ZDHHC6: variants seen among roughly 807,000 people sequenced by gnomAD.
ZDHHC6 encodes the protein palmitoyltransferase ZDHHC6.
In ZDHHC6, 32 loss-of-function variants were observed where a neutral mutation model predicts 57.8. That is an observed-to-expected ratio of 0.55 (90% CI 0.42 to 0.74). The LOEUF (loss-of-function observed/expected upper bound fraction) is 0.74. Ranked by LOEUF, ZDHHC6 falls within the 30% of genes least tolerant of loss-of-function variation. The pLI, the probability that ZDHHC6 is intolerant of heterozygous loss-of-function variation, is 0.00. For missense variants in ZDHHC6, 433 were observed against 500.7 expected (o/e 0.86, Z 1.29); for synonymous variants, 128 against 158.0 (o/e 0.81, Z 1.42).
At chr10:112,435,733 C>T (rs1421453079) in intron 6 of ZDHHC6, among the ~76,000 whole-genome samples, 1 of 152,112 alleles carries the variant, frequency 6.6e-6, no homozygotes, top group Non-Finnish European at 1.5e-5. Flanking sequence ...ATAAACACAG[C>T]TTCAGAGTCT....
At chr10:112,444,192 C>T (rs955984579) in intron 2 of ZDHHC6, among the ~76,000 whole-genome samples, 1 of 152,158 alleles carries the variant, frequency 6.6e-6, no homozygotes, top group African/African-American at 2.4e-5. Flanking sequence ...CACAATCTGC[C>T]TTTGTTTCAG....
At chr10:112,438,243 G>A (rs553587968) in intron 6 of ZDHHC6, 93 bp downstream of exon 6, 3 of 919,462 alleles carry the variant, frequency 3.3e-6, no homozygotes, top group South Asian at 3.2e-5. Flanking sequence ...TCGTTAATCC[G>A]GTCTAATAAC....
At chr10:112,438,896 T>C (rs1482621670) in intron 5 of ZDHHC6, among the ~76,000 whole-genome samples, 1 of 152,218 alleles carries the variant, frequency 6.6e-6, no homozygotes, top group South Asian at 2.1e-4. Context: ...TTCCTAGATA[T>C]GACTGATTCC....
chr10:112,436,026 C>G (rs1845494862), intron 6 of ZDHHC6, among the ~76,000 whole-genome samples: 1 of 152,040 alleles, frequency 6.6e-6, no homozygotes, highest in East Asian at 1.9e-4. Flanking sequence ...TCTTGAGAAG[C>G]AAGAAATCAG....
Position 112,434,369 on chromosome 10 carries a change from C to T in ZDHHC6, c.831G>A (p.Thr277=), listed in dbSNP as rs370954630. Residue 277 remains threonine (T), a synonymous_variant, in exon 7 of 11, where the codon ACG becomes ACA. Coordinates refer to ENST00000369405, the MANE Select transcript of ZDHHC6 (RefSeq NM_022494.3). ...SRWRNFKQVF[T]WSGVPEGDGL... ...CATCTCCTTCAGGGACCCCTGACCA[C>T]GTAAATACCTGTTTAAAGTTCCTCC... is the stretch of plus-strand genomic sequence containing the variant. The T allele has an allele frequency of 1.6e-4, 251 of 1,613,914 alleles. No individual in the cohort carries two copies. The highest frequency in any genetic ancestry group is 2.0e-4 in the Non-Finnish European group (231 of 1,179,872).
intron 2 of ZDHHC6, among the ~76,000 whole-genome samples, chr10:112,443,972 T>C (rs1360860682): frequency 3.3e-5 from 5 of 152,204 alleles, no homozygotes; most frequent in African/African-American, 1.2e-4. Flanking sequence ...TACTGAAATC[T>C]GCTCCCTCCT....
At chr10:112,431,388 A>T (rs1026652655) in intron 10 of ZDHHC6, among the ~76,000 whole-genome samples, 1 of 151,484 alleles carries the variant, frequency 6.6e-6, no homozygotes, top group Non-Finnish European at 1.5e-5. Flanking sequence ...ATCTCAGATT[A>T]CTGCAACCTC....
downstream of ZDHHC6, chr10:112,427,898 A>G (rs1844801366): frequency 6.5e-6 from 1 of 152,808 alleles, no homozygotes; most frequent in African/African-American, 2.4e-5. Flanking sequence ...CTATGAGACA[A>G]ATGTCTCCGA....
intron 2 of ZDHHC6, 152 bp from the exon 3 acceptor site, chr10:112,443,758 A>G (rs1375540340): frequency 3.3e-6 from 2 of 604,594 alleles, no homozygotes; most frequent in African/African-American, 1.9e-5. Context: ...ATATTTTTAA[A>G]TAAGTTTTCT....
In ZDHHC6 at chr10:112,425,293, T is replaced by C. The variant is rs1445757699; in HGVS notation, c.*344A>G. The C allele has an allele frequency of 7.7e-6, 12 of 1,557,182 alleles. No homozygotes were observed. The South Asian group carries it at 1.3e-4, about 17-fold the overall frequency. ...TTCACCACTCTCCCCACTGATATCATCTCTGTGGCTCAAAAATACTGATAC... is the reference window on the plus strand; with the variant it reads ...TTCACCACTCTCCCCACTGATATCACCTCTGTGGCTCAAAAATACTGATAC... On this transcript the variant is annotated 3_prime_UTR_variant, in exon 12 of 12. Coordinates refer to the ZDHHC6 transcript ENST00000626395.
downstream of ZDHHC6, among the ~76,000 whole-genome samples, chr10:112,429,663 C>G (rs1228409807): frequency 6.6e-6 from 1 of 152,224 alleles, no homozygotes; most frequent in African/African-American, 2.4e-5. Flanking sequence ...TCCAAGCCCA[C>G]CAGCTTGGAT....
At chr10:112,446,141 A>G (rs1195949830) in intron 1 of ZDHHC6, among the ~76,000 whole-genome samples, 1 of 152,204 alleles carries the variant, frequency 6.6e-6, no homozygotes, top group Non-Finnish European at 1.5e-5. Context: ...GCCAAGTATG[A>G]GTCAGACATG....
chr10:112,440,490 C>A, intron 5 of ZDHHC6, 44 bp downstream of exon 5: 1 of 1,575,486 alleles, frequency 6.3e-7, no homozygotes, highest in Non-Finnish European at 8.6e-7. Flanking sequence ...GCAATCAGTC[C>A]CAACAACTTG....
chr10:112,426,705 G>A (rs768439915), downstream of ZDHHC6: 152 of 1,221,892 alleles, frequency 1.2e-4, no homozygotes, highest in Non-Finnish European at 1.8e-4. Context: ...GCATGGCTTT[G>A]ACAGGCACTT....
intron 2 of ZDHHC6, among the ~76,000 whole-genome samples, chr10:112,444,333 C>T (rs1056570175): frequency 2.6e-5 from 4 of 152,212 alleles, no homozygotes; most frequent in African/African-American, 9.7e-5. Context: ...CCACTCCTCC[C>T]TCAGGTCCCC....
At chr10:112,438,203 G>GGCA in intron 6 of ZDHHC6, 133 bp downstream of exon 6, 1 of 567,076 alleles carries the variant, frequency 1.8e-6, no homozygotes, top group East Asian at 4.5e-5. Flanking sequence ...GTAGCCATTT[G>GGCA]GCAGCCATGT....
At chr10:112,425,610 A>AC (rs1844643763), downstream of ZDHHC6, 2 of 915,508 alleles carry the variant, frequency 2.2e-6, no homozygotes, top group Middle Eastern at 2.5e-4. Flanking sequence ...AAAAAAAAAA[A>AC]AATGAAGTTA....
downstream of ZDHHC6, chr10:112,425,358 C>T (rs767416470): frequency 3.4e-5 from 54 of 1,611,794 alleles, 1 homozygote; most frequent in South Asian, 5.3e-4. Context: ...TGAAGATCAT[C>T]GACCGTAAAA....
At chr10:112,426,486 T>C, downstream of ZDHHC6, 1 of 739,746 alleles carries the variant, frequency 1.4e-6, no homozygotes, top group Non-Finnish European at 2.3e-6. Context: ...TTTATGGGAC[T>C]CGGGGATAGG....
Sources: allele counts gnomAD v4.1 joint callset (sites outside exome capture counted in the v4.1 genomes callset), GRCh38; gene constraint gnomAD v4.1.1; transcripts MANE v1.5; gene names NCBI Gene and HGNC (gene_info 2026-07-23, HGNC 2026-07-21).